IL3RA: variants seen among roughly 807,000 people sequenced by gnomAD.
The protein encoded by IL3RA is interleukin 3 receptor subunit alpha, also known as interleukin-3 receptor subunit alpha.
Under a neutral mutation model 52.3 loss-of-function variants are expected in IL3RA, and 73 were observed. The observed-to-expected ratio is 1.40, with a 90% confidence interval of 1.16 to 1.70. IL3RA has a LOEUF of 1.70. IL3RA is among the 40% of genes most tolerant of loss of function. The pLI, the probability that IL3RA is intolerant of heterozygous loss-of-function variation, is 0.00. For missense variants in IL3RA, 664 were observed against 504.4 expected, an observed-to-expected ratio of 1.32 and a Z score of -3.03; for synonymous variants, 260 against 194.0, an observed-to-expected ratio of 1.34 and a Z score of -2.83.
intron 8 of IL3RA, among the ~76,000 whole-genome samples, chrX:1,364,010 G>C (rs1294313952): frequency 1.5e-4 from 23 of 150,722 alleles, no homozygotes; most frequent in Non-Finnish European, 5.9e-5. Context: ...GTGAAACCCT[G>C]TCTCTACTAA....
chrX:1,361,826 G>C (rs1256594213), intron 8 of IL3RA, among the ~76,000 whole-genome samples: 6 of 151,050 alleles, frequency 4.0e-5, no homozygotes, highest in Non-Finnish European at 7.4e-5. Context: ...GATCTCGTGA[G>C]ACTTATTCAC....
At chrX:1,378,609 T>C in intron 9 of IL3RA, 50 bp from the exon 10 acceptor site, 1 of 1,494,830 alleles carries the variant, frequency 6.7e-7, no homozygotes, top group Non-Finnish European at 9.2e-7. Context: ...CAGTCCCTGG[T>C]CCCCCCAGGA....
chrX:1,365,276 C>T (rs751187386), intron 9 of IL3RA, 24 bp downstream of exon 9: 6 of 1,198,348 alleles, frequency 5.0e-6, no homozygotes, highest in South Asian at 1.2e-5. Flanking sequence ...GCGGGGTGCG[C>T]GGGGTGAGCG....
intron 9 of IL3RA, among the ~76,000 whole-genome samples, chrX:1,366,650 G>C (rs2088082033): frequency 3.7e-5 from 1 of 27,144 alleles, no homozygotes; most frequent in Non-Finnish European, 6.1e-5. Context: ...GGGTGAGCGG[G>C]GTGAGCCGGG....
intron 2 of IL3RA, among the ~76,000 whole-genome samples, chrX:1,342,476 T>C (rs2085530580): frequency 6.6e-6 from 1 of 151,772 alleles, no homozygotes; most frequent in Non-Finnish European, 1.5e-5. Context: ...TTTTTTTTCA[T>C]TGGTTTTTAC....
At chrX:1,377,062 G>C (rs7391600) in intron 9 of IL3RA, among the ~76,000 whole-genome samples, 59,327 of 139,910 alleles carry the variant, frequency 0.42, 11,356 homozygotes, top group African/African-American at 0.57. Context: ...AAGAAGAGGA[G>C]ATGAGGACAC....
chrX:1,347,782 T>C (rs1165298767), intron 3 of IL3RA, among the ~76,000 whole-genome samples: 2 of 151,914 alleles, frequency 1.3e-5, no homozygotes, highest in Admixed American at 6.6e-5. Context: ...CTCACGCCTG[T>C]CATCCCAGCA....
intron 2 of IL3RA, among the ~76,000 whole-genome samples, chrX:1,343,318 A>T (rs1302285916): frequency 6.6e-6 from 1 of 151,974 alleles, no homozygotes. Flanking sequence ...ACCCTAGAGA[A>T]ATAGTTGATG....
At position 1,345,451 on chromosome X, in the gene IL3RA, A is replaced by G. The variant is rs1927918652; in HGVS notation, c.183+17A>G. 1 of 1,416,770 alleles carries G rather than the reference A, an allele frequency of 7.1e-7. No homozygotes were observed. Among genetic ancestry groups the G allele is most frequent in the Non-Finnish European group, 9.6e-7 (1 of 1,041,436 alleles). 87.8% of individuals were successfully genotyped at this position (1,416,770 alleles called of 1,614,324 possible). A position where few individuals can be genotyped will look rare whatever the true frequency, so the allele number is the denominator to read the frequency against. On this transcript the variant is annotated intron_variant, in intron 3 of 11. Transcript: ENST00000331035. Reference sequence around the variant, plus strand: ...TCTATGCCGGTAAATCATACTCTCTATTGTTTTTTTATTTTTATTTTATTT... The same window carrying G: ...TCTATGCCGGTAAATCATACTCTCTGTTGTTTTTTTATTTTTATTTTATTT...
rs187313863 is a variant in IL3RA at position 1,342,086 on chromosome X, G to A, written c.64+257G>A. 4.6e-4 allele frequency among the ~76,000 whole-genome samples: 70 copies of A among 152,188 alleles called. No homozygotes were observed. In the East Asian group the frequency reaches 0.011, roughly 24 times the overall value. On this transcript the variant is annotated intron_variant, in intron 2 of 11. Transcript: ENST00000331035. The stretch of plus-strand genomic sequence containing the variant: ...ACACAGATGCCATGTGAGGTGTTTT[G>A]ATGAAACTCACACGCTGGGATCAAC...
At position 1,348,451 on chromosome X, in the gene IL3RA, C is replaced by A. The variant is rs2085876203; in HGVS notation, c.204C>A (p.Cys68Ter). 1 of 1,613,682 alleles carries A rather than the reference C, an allele frequency of 6.2e-7. No homozygotes were observed. Among genetic ancestry groups the A allele is most frequent in the Non-Finnish European group, 8.5e-7 (1 of 1,179,658 alleles). The stretch of plus-strand genomic sequence containing the variant: ...CTTAGGCAGTGAACAATAGCTATTG[C>A]CAGTTTGGAGCAATTTCCTTATGTG... ...YSMPAVNNSY[C>*]QFGAISLCEV... Residue 68 changes from cysteine to a stop codon, truncating the protein, a stop_gained, in exon 4 of 12, where the codon TGC becomes TGA. Coordinates refer to ENST00000331035, the MANE Select transcript of IL3RA (RefSeq NM_002183.4). LOFTEE classifies it high-confidence loss of function.
chrX:1,351,416 C>T (rs2086077556), intron 4 of IL3RA, among the ~76,000 whole-genome samples: 1 of 152,004 alleles, frequency 6.6e-6, no homozygotes, highest in Non-Finnish European at 1.5e-5. Context: ...GCAACCTCTG[C>T]CTCCTGGGTT....
chrX:1,365,201 C>T lies in IL3RA; in HGVS notation c.823C>T (p.Arg275Trp), dbSNP rs761846070. The T allele has an allele frequency of 1.1e-5, 18 of 1,611,130 alleles. No homozygotes were observed. The highest frequency in any genetic ancestry group is 1.7e-4 in the Middle Eastern group (1 of 6,048). ...AACGTACACAGTACAAATAAGAGCC[C>T]GGGAAAGAGTGTATGAATTCTTGAG... ...PGTYTVQIRARERVYEFLSAW... is the reference protein window; with the variant it reads ...PGTYTVQIRAWERVYEFLSAW... The change falls in exon 9 of 12, where the codon CGG becomes TGG. Residue 275 changes from arginine to tryptophan, a missense_variant. Arg to Trp is a moderately radical substitution (Grantham distance 101). Coordinates refer to ENST00000331035, the MANE Select transcript of IL3RA (RefSeq NM_002183.4).
chrX:1,339,868 G>C lies in IL3RA; in HGVS notation c.-38-1860G>C, dbSNP rs773892044. Among the ~76,000 whole-genome samples, 6 of 152,208 alleles carry C rather than the reference G, an allele frequency of 3.9e-5. No individual in the cohort carries two copies. The South Asian group carries it at 1.2e-3, about 32-fold the overall frequency. The stretch of plus-strand genomic sequence containing the variant: ...CCCAGAGCACAGTGTAGGAGAGCCA[G>C]CCTTTCTGGGATGCGGCAGAAAGTT... On this transcript the variant is annotated intron_variant, in intron 1 of 11. Coordinates refer to ENST00000331035, the MANE Select transcript of IL3RA (RefSeq NM_002183.4).
chrX:1,355,060 C>G (rs182955334), intron 6 of IL3RA, among the ~76,000 whole-genome samples: 1 of 6,424 alleles, frequency 1.6e-4, no homozygotes, highest in Non-Finnish European at 2.6e-4. Flanking sequence ...TGGAGGAAGG[C>G]GAGCAGGAGG....
In IL3RA at chrX:1,365,375, CGGGGTGAG is replaced by C. The variant is rs2087888512; in HGVS notation, c.874+124_874+131del. Reference sequence around the variant, plus strand: ...GGGTGAGCGGGGTGAGCCGGGTGCGCGGGGTGAGCCGGCTGCGCGGGGTGAGCGGGGTG... The same window carrying C: ...GGGTGAGCGGGGTGAGCCGGGTGCGCCCGGCTGCGCGGGGTGAGCGGGGTG... On this transcript the variant is annotated intron_variant, in intron 9 of 11. Coordinates refer to ENST00000331035, the MANE Select transcript of IL3RA (RefSeq NM_002183.4). The C allele has an allele frequency of 2.1e-4, 34 of 164,544 alleles. 2 individuals carry two copies. The South Asian group carries it at 2.5e-3, about 12-fold the overall frequency. 10.2% of individuals were successfully genotyped at this position (164,544 alleles called of 1,614,324 possible).
chrX:1,341,934 TC>T, intron 2 of IL3RA, 105 bp downstream of exon 2: 1 of 1,235,100 alleles, frequency 8.1e-7, no homozygotes, highest in Non-Finnish European at 1.2e-6. Flanking sequence ...CATGCTGAGC[TC>T]ATGGCAGAGT....
At chrX:1,356,811 G>GT (rs1428605179) in intron 7 of IL3RA, among the ~76,000 whole-genome samples, 3 of 151,514 alleles carry the variant, frequency 2.0e-5, no homozygotes, top group Non-Finnish European at 4.4e-5. Flanking sequence ...GTGGTCTGTT[G>GT]TTTTTTATTT....
intron 6 of IL3RA, among the ~76,000 whole-genome samples, chrX:1,355,362 GGGA>G (rs2086616177): frequency 7.4e-6 from 1 of 135,350 alleles, no homozygotes; most frequent in Non-Finnish European, 1.6e-5. Flanking sequence ...AAGGAGAATG[GGGA>G]GGAGAGAGGA....
Sources: gnomAD v4.1 joint callset for allele counts (sites outside exome capture counted in the v4.1 genomes callset) on GRCh38, gnomAD v4.1.1 for gene constraint, MANE v1.5 for transcripts, NCBI Gene and HGNC (gene_info 2026-07-23, HGNC 2026-07-21) for gene names.